The following ANKEF1 variants were observed in gnomAD, a reference collection of about 807,000 sequenced individuals.
The protein encoded by ANKEF1 is ankyrin repeat and EF-hand domain-containing protein 1.
In ANKEF1, 43 loss-of-function variants were observed where a neutral mutation model predicts 65.1. That is an observed-to-expected ratio of 0.66 (90% CI 0.52 to 0.85). The LOEUF is 0.85. ANKEF1 is among the 40% of genes least tolerant of loss of function. The probability of loss-of-function intolerance (pLI) is 0.00; values close to 1 mark genes in which losing one functional copy is unlikely to be tolerated. For missense variants in ANKEF1, 934 were observed against 952.9 expected, an observed-to-expected ratio of 0.98 and a Z score of 0.26; for synonymous variants, 316 against 341.5, an observed-to-expected ratio of 0.93 and a Z score of 0.82.
chr20:10,037,055 C>T (rs555222688), intron 2 of ANKEF1, among the ~76,000 whole-genome samples: 2 of 152,196 alleles, frequency 1.3e-5, no homozygotes, highest in East Asian at 3.9e-4. Context: ...AGAGAGAGCT[C>T]ACTGCCGTAG....
rs1214521115 is a variant in ANKEF1, at chr20:10,055,497, T to C, written c.2173-5T>C. On this transcript the variant is annotated splice_region_variant and splice_polypyrimidine_tract_variant and intron_variant, in intron 10 of 10. Transcript: ENST00000378392. ...TGCTGGGGTATGGCTATTTTTCTTT[T>C]TAAGATTTGGAGTCCTGAAGCCACA... 6.2e-7 allele frequency: 1 copy of C among 1,613,110 alleles called. No homozygotes were observed. Among genetic ancestry groups the C allele is most frequent in the Non-Finnish European group, 8.5e-7 (1 of 1,179,420 alleles).
At position 10,050,218 on chromosome 20, in the gene ANKEF1, C is replaced by T; in HGVS notation, c.1643+6C>T. The stretch of plus-strand genomic sequence containing the variant: ...AAGTTTCTTCTTGAAAAAGGGTACG[C>T]GTCTCCGTCGGGTGTGGCCTAAATT... On this transcript the variant is annotated splice_donor_region_variant and intron_variant, in intron 7 of 10. Transcript: ENST00000378392. The T allele has an allele frequency of 1.3e-6, 2 of 1,589,770 alleles. No homozygotes were observed. Among genetic ancestry groups the T allele is most frequent in the African/African-American group, 1.3e-5 (1 of 74,102 alleles).
intron 6 of ANKEF1, among the ~76,000 whole-genome samples, chr20:10,046,901 T>A (rs1004895517): frequency 6.6e-6 from 1 of 152,230 alleles, no homozygotes; most frequent in African/African-American, 2.4e-5. Context: ...ATACTTTCCC[T>A]ATGTCCCCAG....
chr20:10,037,062 G>A (rs564038280), intron 2 of ANKEF1, among the ~76,000 whole-genome samples: 19 of 152,188 alleles, frequency 1.2e-4, no homozygotes, highest in Non-Finnish European at 2.4e-4. Context: ...GCTCACTGCC[G>A]TAGAGAATGT....
In ANKEF1 at chr20:10,049,556, G is replaced by T. The variant is rs750377351; in HGVS notation, c.987G>T (p.Leu329=). 8.7e-6 allele frequency: 14 copies of T among 1,614,010 alleles called. No homozygotes were observed. The South Asian group carries it at 9.9e-5, about 11-fold the overall frequency. Residue 329 remains leucine, a synonymous_variant, in exon 7 of 11, where the codon CTG becomes CTT. Transcript: ENST00000378392. ...CAAATCCACTGTGGGCCCTTAGACT[G>T]CACGATTGGTCCGTAGAACGTGAGG... ...KNPNPLWALR[L]HDWSVEREAF... is the part of the protein sequence containing the mutation.
chr20:10,039,701 A>C (rs1314797631), intron 3 of ANKEF1, among the ~76,000 whole-genome samples: 2 of 152,156 alleles, frequency 1.3e-5, no homozygotes, highest in Non-Finnish European at 2.9e-5. Context: ...TGTTCCATGG[A>C]CCACTGAATT....
intron 4 of ANKEF1, 106 bp downstream of exon 4, chr20:10,043,427 C>G: frequency 9.7e-7 from 1 of 1,025,856 alleles, no homozygotes; most frequent in Non-Finnish European, 1.4e-6. Flanking sequence ...ATAGACTGTT[C>G]ATTTTGATTC....
At position 10,049,395 on chromosome 20, in the gene ANKEF1, G is replaced by A. The variant is rs1320333454; in HGVS notation, c.826G>A (p.Asp276Asn). 3 of 1,609,320 alleles carry A rather than the reference G, an allele frequency of 1.9e-6. No homozygotes were observed. The highest frequency in any genetic ancestry group is 2.5e-6 in the Non-Finnish European group (3 of 1,178,350). Residue 276 changes from aspartate (D) to asparagine (N), a missense_variant, in exon 7 of 11, where the codon GAC becomes AAC. Transcript: ENST00000378392. ...AATGATGCTTTATGTTTTAGGATGT[G>A]ACCTGAAATGGAAGAATTTAGATCA... is the stretch of plus-strand genomic sequence containing the variant. ...CCKYIAQRGC[D>N]LKWKNLDHKT...
intron 9 of ANKEF1, 86 bp downstream of exon 9, chr20:10,053,361 GT>G: frequency 1.7e-6 from 2 of 1,207,046 alleles, no homozygotes; most frequent in South Asian, 1.5e-5. Flanking sequence ...TTTACATATT[GT>G]TATACAACAT....
chr20:10,053,330 T>G, intron 9 of ANKEF1, 55 bp downstream of exon 9: 1 of 1,513,180 alleles, frequency 6.6e-7, no homozygotes, highest in South Asian at 1.3e-5. Flanking sequence ...AAAATCTGTT[T>G]GGGGGAAGGC....
chr20:10,038,915 T>A (rs1229090720), intron 3 of ANKEF1, among the ~76,000 whole-genome samples: 1 of 152,230 alleles, frequency 6.6e-6, no homozygotes, highest in Non-Finnish European at 1.5e-5. Context: ...GAGGAGAATT[T>A]TGAACATTAT....
Position 10,050,013 on chromosome 20 carries a change from T to G in ANKEF1, c.1444T>G (p.Ser482Ala), listed in dbSNP as rs921375405. The G allele has an allele frequency of 1.9e-6, 3 of 1,614,174 alleles. No individual in the cohort carries two copies. The South Asian group carries it at 3.3e-5, about 18-fold the overall frequency. Residue 482 changes from serine to alanine, a missense_variant, in exon 7 of 11, where the codon TCT becomes GCT. Ser to Ala is a moderately conservative substitution (Grantham distance 99). Coordinates refer to ENST00000378392, the MANE Select transcript of ANKEF1 (RefSeq NM_022096.6). ...HPPEHPIQDD[S>A]VWYIDDSEKV... is the part of the protein sequence containing the mutation. ...CCCAGAACATCCCATTCAGGATGAC[T>G]CTGTTTGGTACATTGATGATTCAGA...
At position 10,045,355 on chromosome 20, in the gene ANKEF1, C is replaced by T. The variant is rs533433452; in HGVS notation, c.697-219C>T. 2.4e-3 allele frequency among the ~76,000 whole-genome samples: 365 copies of T among 152,254 alleles called. 2 individuals carry two copies. Among genetic ancestry groups the T allele is most frequent in the African/African-American group, 8.3e-3 (345 of 41,552 alleles). On this transcript the variant is annotated intron_variant, in intron 5 of 10. Coordinates refer to ENST00000378392, the MANE Select transcript of ANKEF1 (RefSeq NM_022096.6). ...TATGTTTGTGCTATACAACACAGTA[C>T]AACACAATGGCCATGTGGCTTTTGA...
At position 10,038,427 on chromosome 20, in the gene ANKEF1, T is replaced by C. The variant is rs144968956; in HGVS notation, c.126T>C (p.Tyr42=). ...TTGGATACCCTGAACTAATCAATTATACAGAACCCATTAATGGACTTAGTG... is the reference window on the plus strand; with the variant it reads ...TTGGATACCCTGAACTAATCAATTACACAGAACCCATTAATGGACTTAGTG... ...TKLGYPELIN[Y]TEPINGLSAL... The change falls in exon 3 of 11, where the codon TAT becomes TAC. Residue 42 remains tyrosine (Y), a synonymous_variant. Transcript: ENST00000378392. The C allele has an allele frequency of 1.4e-5, 23 of 1,614,050 alleles. No individual in the cohort carries two copies. In the Admixed American group the frequency reaches 2.3e-4, roughly 16 times the overall value.
intron 3 of ANKEF1, chr20:10,040,756 C>T (rs1482893789): frequency 6.6e-6 from 1 of 152,176 alleles, no homozygotes; most frequent in Non-Finnish European, 1.5e-5. Context: ...CCCAGATACA[C>T]TTTAACTGTG....
intron 6 of ANKEF1, among the ~76,000 whole-genome samples, chr20:10,049,034 G>A (rs572189151): frequency 1.3e-5 from 2 of 152,140 alleles, no homozygotes; most frequent in Non-Finnish European, 2.9e-5. Flanking sequence ...TTTGAATCCA[G>A]CTTCTTTCCA....
chr20:10,045,266 TAG>T (rs902042474), intron 5 of ANKEF1, among the ~76,000 whole-genome samples: 9 of 152,218 alleles, frequency 5.9e-5, no homozygotes, highest in African/African-American at 1.9e-4. Flanking sequence ...CCTCTAAGTA[TAG>T]AGTTTTCTAT....
At position 10,055,803 on chromosome 20, in the gene ANKEF1, A is replaced by C; in HGVS notation, c.*143A>C. 1.3e-6 allele frequency: 1 copy of C among 741,756 alleles called. No homozygotes were observed. Among genetic ancestry groups the C allele is most frequent in the East Asian group, 2.7e-5 (1 of 37,540 alleles). The allele number at this position is 741,756 out of a possible 1,614,324, so 45.9% of individuals were successfully genotyped here. On this transcript the variant is annotated 3_prime_UTR_variant, in exon 11 of 11. Coordinates refer to ENST00000378392, the MANE Select transcript of ANKEF1 (RefSeq NM_022096.6). The stretch of plus-strand genomic sequence containing the variant: ...ATTTCTTTTTGCTTTAACAACTATA[A>C]ATATTCTTAGCTGTCTAGAGAAAAG...
At chr20:10,039,398 A>C (rs1984045588) in intron 3 of ANKEF1, among the ~76,000 whole-genome samples, 2 of 152,230 alleles carry the variant, frequency 1.3e-5, no homozygotes, top group South Asian at 4.1e-4. Flanking sequence ...GTTTCTGCAG[A>C]TACAAGGCCA....
Sources: gnomAD v4.1 joint callset for allele counts (sites outside exome capture counted in the v4.1 genomes callset) on GRCh38, gnomAD v4.1.1 for gene constraint, MANE v1.5 for transcripts, NCBI Gene and HGNC (gene_info 2026-07-23, HGNC 2026-07-21) for gene names.